Variants in DOK6 observed in about 807,000 individuals in gnomAD.
DOK6 encodes the protein docking protein 6.
DOK6 carries 22 observed loss-of-function variants against 44.0 expected under a neutral mutation model. The ratio of observed to expected loss-of-function variants is 0.50; its 90% CI spans 0.36 to 0.71. The LOEUF (loss-of-function observed/expected upper bound fraction) is 0.71, where lower values mean the gene tolerates loss of function less well. Among genes scored for constraint, DOK6 ranks in the 30% least tolerant of loss-of-function variants. DOK6 has a pLI of 0.00. For synonymous variants in DOK6, 166 were observed against 145.5 expected, an observed-to-expected ratio of 1.14 and a Z score of -1.01; for missense variants, 340 against 416.4, an observed-to-expected ratio of 0.82 and a Z score of 1.60.
chr18:69,734,945 C>T (rs1035292726), intron 5 of DOK6, among the ~76,000 whole-genome samples: 3 of 152,130 alleles, frequency 2.0e-5, no homozygotes, highest in Admixed American at 6.6e-5. Context: ...AAAAAGAGGG[C>T]GTGGTCTAGT....
chr18:69,493,665 A>G (rs544324323), intron 1 of DOK6, among the ~76,000 whole-genome samples: 1 of 152,344 alleles, frequency 6.6e-6, no homozygotes, highest in Non-Finnish European at 1.5e-5. Flanking sequence ...TAGTATGCCC[A>G]TCTTTTAGAA....
chr18:69,825,400 T>C (rs888358827), intron 7 of DOK6, among the ~76,000 whole-genome samples: 2 of 151,344 alleles, frequency 1.3e-5, no homozygotes, highest in Admixed American at 6.6e-5. Context: ...TCCAAGAACA[T>C]TGCAAACGGT....
At chr18:69,602,078 C>T (rs1402116655) in intron 3 of DOK6, among the ~76,000 whole-genome samples, 1 of 152,096 alleles carries the variant, frequency 6.6e-6, no homozygotes, top group African/African-American at 2.4e-5. Context: ...TATGTAGATG[C>T]TCTGTCCAGA....
chr18:69,442,362 G>A (rs927261467), intron 1 of DOK6, among the ~76,000 whole-genome samples: 1 of 152,164 alleles, frequency 6.6e-6, no homozygotes, highest in Non-Finnish European at 1.5e-5. Flanking sequence ...CAGCATGGCT[G>A]CAGAGGCCTA....
intron 4 of DOK6, among the ~76,000 whole-genome samples, chr18:69,694,058 CAAAAAAAAAAAAAAAAAAAA>C (rs60662789): frequency 4.8e-5 from 3 of 61,980 alleles, no homozygotes; most frequent in African/African-American, 1.2e-4. Context: ...GACTCCGTGT[CAAAAAAAAAAAAAAAAAAAA>C]AAAAAAAAAA....
intron 7 of DOK6, among the ~76,000 whole-genome samples, chr18:69,837,974 G>A (rs1982098738): frequency 6.6e-6 from 1 of 152,116 alleles, no homozygotes; most frequent in Admixed American, 6.5e-5. Context: ...ACAGCATGTG[G>A]ACTCTAAAAG....
At chr18:69,450,914 T>C (rs1470932656) in intron 1 of DOK6, among the ~76,000 whole-genome samples, 1 of 149,954 alleles carries the variant, frequency 6.7e-6, no homozygotes, top group Non-Finnish European at 1.5e-5. Context: ...AAAGAAGCGC[T>C]AAACATGGAA....
intron 1 of DOK6, among the ~76,000 whole-genome samples, chr18:69,516,729 G>T (rs1157504816): frequency 6.6e-6 from 1 of 151,380 alleles, no homozygotes; most frequent in Non-Finnish European, 1.5e-5. Flanking sequence ...AGGCTGGAGT[G>T]CAGTGGCACG....
intron 1 of DOK6, among the ~76,000 whole-genome samples, chr18:69,410,197 A>G (rs553918862): frequency 8.5e-5 from 13 of 152,342 alleles, no homozygotes; most frequent in Admixed American, 8.5e-4. Flanking sequence ...ATTTTGAATA[A>G]TTATCTATAT....
chr18:69,685,526 A>C (rs1986133498), intron 4 of DOK6, among the ~76,000 whole-genome samples: 1 of 152,240 alleles, frequency 6.6e-6, no homozygotes, highest in African/African-American at 2.4e-5. Flanking sequence ...GATGTGCGTG[A>C]ACATCTCCAT....
At chr18:69,435,482 T>C (rs1978951008) in intron 1 of DOK6, among the ~76,000 whole-genome samples, 1 of 152,196 alleles carries the variant, frequency 6.6e-6, no homozygotes, top group Non-Finnish European at 1.5e-5. Context: ...AGATGAATGC[T>C]GTGCTTCTGA....
chr18:69,545,856 C>T (rs1232672017), intron 1 of DOK6, among the ~76,000 whole-genome samples: 1 of 151,410 alleles, frequency 6.6e-6, no homozygotes, highest in African/African-American at 2.4e-5. Context: ...TAAGTACATT[C>T]TCTTATAAAA....
At chr18:69,485,556 G>T (rs1158901469) in intron 1 of DOK6, among the ~76,000 whole-genome samples, 1 of 152,140 alleles carries the variant, frequency 6.6e-6, no homozygotes, top group Non-Finnish European at 1.5e-5. Context: ...TGCTTGAGAA[G>T]TGAAGGCTTA....
chr18:69,651,095 C>A (rs1197488618), intron 3 of DOK6, among the ~76,000 whole-genome samples: 1 of 152,072 alleles, frequency 6.6e-6, no homozygotes, highest in Non-Finnish European at 1.5e-5. Flanking sequence ...CTCCCACTTC[C>A]CAGAGGAAAT....
chr18:69,649,880 C>G (rs2144661801), intron 3 of DOK6, among the ~76,000 whole-genome samples: 1 of 152,134 alleles, frequency 6.6e-6, no homozygotes, highest in South Asian at 2.1e-4. Flanking sequence ...TATGATGTCT[C>G]TTATGCAATA....
chr18:69,472,260 T>A (rs1980133856), intron 1 of DOK6, among the ~76,000 whole-genome samples: 1 of 152,202 alleles, frequency 6.6e-6, no homozygotes, highest in Admixed American at 6.5e-5. Flanking sequence ...TCAGGCCAGA[T>A]TCTGAGTGTG....
intron 2 of DOK6, among the ~76,000 whole-genome samples, chr18:69,580,363 T>A (rs1236949793): frequency 1.3e-5 from 2 of 152,130 alleles, no homozygotes; most frequent in East Asian, 3.9e-4. Context: ...TGTAATTCTC[T>A]CCCTCTCCAA....
intron 3 of DOK6, among the ~76,000 whole-genome samples, chr18:69,634,875 AT>A (rs1329818714): frequency 6.6e-6 from 1 of 152,094 alleles, no homozygotes; most frequent in East Asian, 1.9e-4. Context: ...GTATTTTGTA[AT>A]TTTTTCCCCT....
intron 5 of DOK6, 106 bp from the exon 6 acceptor site, chr18:69,738,859 A>G: frequency 7.3e-7 from 1 of 1,372,772 alleles, no homozygotes; most frequent in Non-Finnish European, 1.0e-6. Flanking sequence ...ACTCCTGTGG[A>G]GGTCAGGAGG....
Sources: gnomAD v4.1 joint callset for allele counts (sites outside exome capture counted in the v4.1 genomes callset) on GRCh38, gnomAD v4.1.1 for gene constraint, MANE v1.5 for transcripts, NCBI Gene and HGNC (gene_info 2026-07-23, HGNC 2026-07-21) for gene names.